The following ABI1 variants were observed in gnomAD, a reference collection of about 807,000 sequenced individuals.
ABI1 encodes the protein abl interactor 1.
ABI1 carries 14 observed loss-of-function variants against 54.6 expected under a neutral mutation model. The observed-to-expected ratio is 0.26, with a 90% CI of 0.17 to 0.40. ABI1 has a LOEUF of 0.40. Among genes scored for constraint, ABI1 ranks in the 10% least tolerant of loss-of-function variants. The pLI, the probability that ABI1 is intolerant of heterozygous loss-of-function variation, is 1.00. For synonymous variants in ABI1, 194 were observed against 209.3 expected (o/e 0.93, Z 0.63); for missense variants, 443 against 598.3 (o/e 0.74, Z 2.71).
In ABI1 at chr10:26,777,165, G is replaced by A. The variant is rs1841516133; in HGVS notation, c.362C>T (p.Thr121Ile). ...ILTTNKNTSR[T>I]HKIIAPANME... ...ATTCGCAGGTGCTATTATTTTGTGA[G>A]TTCTTGATGTATTCTTATTTGTTGT... Residue 121 changes from threonine to isoleucine, a missense_variant, in exon 3 of 11, where the codon ACT (threonine) becomes ATT (isoleucine). Around this residue, in one of 2 missense-constraint regions of ABI1, gnomAD observed 394 missense variants for 484.8 expected, o/e 0.81. Coordinates refer to ENST00000376140, the MANE Select transcript of ABI1 (RefSeq NM_001012750.3). 6.2e-7 allele frequency: 1 copy of A among 1,613,706 alleles called. No homozygotes were observed. The highest frequency in any genetic ancestry group is 8.5e-7 in the Non-Finnish European group (1 of 1,179,800).
chr10:26,809,519 T>C (rs1430769376), intron 2 of ABI1, among the ~76,000 whole-genome samples: 4 of 151,730 alleles, frequency 2.6e-5, no homozygotes, highest in South Asian at 2.1e-4. Flanking sequence ...GATCACACCA[T>C]TGCACACCAA....
chr10:26,832,489 C>T (rs933035766), intron 1 of ABI1, among the ~76,000 whole-genome samples: 1 of 151,974 alleles, frequency 6.6e-6, no homozygotes, highest in African/African-American at 2.4e-5. Flanking sequence ...GAGGCTGAGG[C>T]AGAAGAATGG....
intron 1 of ABI1, among the ~76,000 whole-genome samples, chr10:26,832,268 A>T (rs2048724711): frequency 6.6e-6 from 1 of 152,154 alleles, no homozygotes; most frequent in Admixed American, 6.6e-5. Flanking sequence ...AACACTTCTC[A>T]ATTTAACGGC....
At chr10:26,823,075 A>C in intron 2 of ABI1, 63 bp downstream of exon 2, 1 of 1,394,342 alleles carries the variant, frequency 7.2e-7, no homozygotes, top group Non-Finnish European at 9.7e-7. Context: ...CAGGCTATTT[A>C]CTTCTTTGGC....
intron 1 of ABI1, among the ~76,000 whole-genome samples, chr10:26,855,893 C>T (rs533120478): frequency 6.6e-6 from 1 of 150,812 alleles, no homozygotes; most frequent in Non-Finnish European, 1.5e-5. Context: ...ATCACTTGAA[C>T]CCAGGAGGCG....
chr10:26,820,217 G>C (rs1030071721), intron 2 of ABI1, among the ~76,000 whole-genome samples: 33 of 152,184 alleles, frequency 2.2e-4, no homozygotes, highest in Non-Finnish European at 4.7e-4. Flanking sequence ...AGCTGTGTGA[G>C]GTGATAGATA....
intron 1 of ABI1, among the ~76,000 whole-genome samples, chr10:26,839,511 G>C (rs530726629): frequency 6.6e-6 from 1 of 151,290 alleles, no homozygotes; most frequent in Non-Finnish European, 1.5e-5. Flanking sequence ...CAAAAATAAG[G>C]GGAAAAAAAG....
chr10:26,772,274 TA>T (rs147983209), intron 3 of ABI1, among the ~76,000 whole-genome samples: 2,268 of 152,160 alleles, frequency 0.015, 44 homozygotes, highest in African/African-American at 0.046. Context: ...TCCTTGAAGA[TA>T]AAATACACTA....
intron 2 of ABI1, among the ~76,000 whole-genome samples, chr10:26,786,413 C>T (rs1842741537): frequency 6.6e-6 from 1 of 152,030 alleles, no homozygotes; most frequent in Non-Finnish European, 1.5e-5. Context: ...CGGGGCTTCA[C>T]CATGTTGGCC....
chr10:26,840,333 G>A (rs1347700479), intron 1 of ABI1, among the ~76,000 whole-genome samples: 1 of 152,182 alleles, frequency 6.6e-6, no homozygotes, highest in Non-Finnish European at 1.5e-5. Context: ...TCAGCTACAA[G>A]TAGAAGCAAC....
At chr10:26,769,037 A>C (rs774320764) in intron 5 of ABI1, 45 bp from the exon 6 acceptor site, 1 of 1,448,220 alleles carries the variant, frequency 6.9e-7, no homozygotes, top group Non-Finnish European at 9.2e-7. Context: ...AAAAAAGATA[A>C]AATTGTATTT....
intron 1 of ABI1, among the ~76,000 whole-genome samples, chr10:26,851,787 G>A (rs2050414507): frequency 6.6e-6 from 1 of 151,904 alleles, no homozygotes; most frequent in Non-Finnish European, 1.5e-5. Flanking sequence ...GAGATGCAGT[G>A]GTAAGAAATT....
intron 8 of ABI1, among the ~76,000 whole-genome samples, chr10:26,758,094 A>AAAAC: frequency 7.5e-6 from 1 of 133,706 alleles, no homozygotes; most frequent in Non-Finnish European, 1.6e-5. Context: ...AAAAAAAAAA[A>AAAAC]CTTTCCCCTA....
At chr10:26,835,265 T>C (rs1180822706) in intron 1 of ABI1, among the ~76,000 whole-genome samples, 1 of 151,854 alleles carries the variant, frequency 6.6e-6, no homozygotes, top group African/African-American at 2.4e-5. Flanking sequence ...TGAAGAACAA[T>C]ATGAAGATTC....
intron 1 of ABI1, among the ~76,000 whole-genome samples, chr10:26,827,439 T>C (rs2048373377): frequency 6.6e-6 from 1 of 151,644 alleles, no homozygotes; most frequent in Non-Finnish European, 1.5e-5. Context: ...GCCAGGATGG[T>C]CTCGATCTCC....
intron 1 of ABI1, among the ~76,000 whole-genome samples, chr10:26,844,370 T>C (rs2477941): frequency 6.6e-6 from 1 of 152,234 alleles, no homozygotes; most frequent in African/African-American, 2.4e-5. Flanking sequence ...CCACGTCATA[T>C]GTATTTGAAA....
intron 1 of ABI1, among the ~76,000 whole-genome samples, chr10:26,847,050 A>C (rs940156537): frequency 6.6e-6 from 1 of 152,188 alleles, no homozygotes; most frequent in African/African-American, 2.4e-5. Flanking sequence ...GAGGGTAGAA[A>C]CTGTATCTGA....
At chr10:26,780,076 T>A (rs1465472657) in intron 2 of ABI1, among the ~76,000 whole-genome samples, 2 of 152,130 alleles carry the variant, frequency 1.3e-5, no homozygotes, top group Non-Finnish European at 2.9e-5. Flanking sequence ...AGAGCCTACA[T>A]TAAGGCAGAC....
intron 8 of ABI1, among the ~76,000 whole-genome samples, chr10:26,756,347 ATTTTTT>A (rs1189512405): frequency 6.6e-6 from 1 of 152,068 alleles, no homozygotes. Context: ...CAAGGTTGTT[ATTTTTT>A]TAAGTTGGCA....
Sources: gnomAD v4.1 joint callset for allele counts (sites outside exome capture counted in the v4.1 genomes callset) on GRCh38, gnomAD v4.1.1 for gene constraint, gnomAD v4.1.1 regional missense constraint, MANE v1.5 for transcripts, NCBI Gene and HGNC (gene_info 2026-07-23, HGNC 2026-07-21) for gene names.